The following BDP1 variants were observed in gnomAD, a reference collection of about 807,000 sequenced individuals.
BDP1 encodes the protein BDP1 general transcription factor IIIB subunit.
Under a neutral mutation model 266.6 loss-of-function variants are expected in BDP1, and 169 were observed. The observed-to-expected ratio is 0.63, with a 90% CI of 0.56 to 0.72. The LOEUF (loss-of-function observed/expected upper bound fraction) is 0.72. BDP1 is among the 30% of genes least tolerant of loss of function. The probability of loss-of-function intolerance (pLI) is 0.00; values close to 1 mark genes in which losing one functional copy is unlikely to be tolerated. For synonymous variants in BDP1, 1,090 were observed against 1,022.4 expected (o/e 1.07, Z -1.26); for missense variants, 3,015 against 3,053.8 (o/e 0.99, Z 0.30).
chr5:71,521,204 A>G (rs1386778267), intron 22 of BDP1, among the ~76,000 whole-genome samples: 1 of 150,510 alleles, frequency 6.6e-6, no homozygotes, highest in African/African-American at 2.5e-5. Context: ...AAAAAAAAAG[A>G]TTAGTTTTTA....
In BDP1 at chr5:71,555,666, G is replaced by A. The variant is rs140029506; in HGVS notation, c.7201-1220G>A. ...GTTGGTTAGGCTGGTCTCGAACTCC[G>A]GACCTCAGATGATCCGCCTGCCTCG... On this transcript the variant is annotated intron_variant, in intron 35 of 38. Coordinates refer to ENST00000358731, the MANE Select transcript of BDP1 (RefSeq NM_018429.3). Among the ~76,000 whole-genome samples, 8 of 151,928 alleles carry A rather than the reference G, an allele frequency of 5.3e-5. No homozygotes were observed. The East Asian group carries it at 7.7e-4, about 15-fold the overall frequency.
At position 71,513,539 on chromosome 5, in the gene BDP1, T is replaced by C. The variant is rs921571070; in HGVS notation, c.4470+132T>C. 7 of 650,102 alleles carry C rather than the reference T, an allele frequency of 1.1e-5. No individual in the cohort carries two copies. The Admixed American group carries it at 1.3e-4, about 12-fold the overall frequency. The allele number at this position is 650,102 out of a possible 1,614,324, so 40.3% of individuals were successfully genotyped here. ...TAATTTTTGCTGCATGTGATATTGC[T>C]CCCATGCTTAATGTGCCTCATTGTT... On this transcript the variant is annotated intron_variant, in intron 19 of 38. Coordinates refer to ENST00000358731, the MANE Select transcript of BDP1 (RefSeq NM_018429.3).
chr5:71,498,367 G>A (rs568926906), intron 13 of BDP1, among the ~76,000 whole-genome samples: 1 of 151,992 alleles, frequency 6.6e-6, no homozygotes, highest in African/African-American at 2.4e-5. Context: ...GTGTGCTGGG[G>A]TTATAGGCAT....
intron 16 of BDP1, among the ~76,000 whole-genome samples, 186 bp from the exon 17 acceptor site, chr5:71,509,279 T>C (rs975214684): frequency 6.6e-6 from 1 of 152,122 alleles, no homozygotes; most frequent in Non-Finnish European, 1.5e-5. Flanking sequence ...AACTTATTGC[T>C]GTGATTTCAA....
chr5:71,494,571 T>A (rs1418236681), intron 11 of BDP1: 1 of 152,246 alleles, frequency 6.6e-6, no homozygotes, highest in Non-Finnish European at 1.5e-5. Context: ...TGGAGCTGTA[T>A]CTTTGCTTTA....
At chr5:71,564,296 T>G (rs907654182) in intron 38 of BDP1, among the ~76,000 whole-genome samples, 2 of 149,994 alleles carry the variant, frequency 1.3e-5, no homozygotes, top group Non-Finnish European at 3.0e-5. Flanking sequence ...TTGATATGTT[T>G]TCTTTAGGTG....
chr5:71,562,990 A>T lies in BDP1; in HGVS notation c.7743+470A>T. 4.2e-6 allele frequency: 4 copies of T among 947,960 alleles called. No homozygotes were observed. The South Asian group carries it at 7.0e-5, about 17-fold the overall frequency. 58.7% of individuals were successfully genotyped at this position (947,960 alleles called of 1,614,324 possible). On this transcript the variant is annotated intron_variant, in intron 38 of 38. Coordinates refer to ENST00000358731, the MANE Select transcript of BDP1 (RefSeq NM_018429.3). ...GATCTTGACAAAGAGAAGGCTGGTGAGCATCTGTTGAACAGCATGAGCCTT... is the reference window on the plus strand; with the variant it reads ...GATCTTGACAAAGAGAAGGCTGGTGTGCATCTGTTGAACAGCATGAGCCTT...
intron 16 of BDP1, among the ~76,000 whole-genome samples, chr5:71,509,232 A>G (rs1764754471): frequency 6.6e-6 from 1 of 152,162 alleles, no homozygotes; most frequent in Non-Finnish European, 1.5e-5. Context: ...AATAGCTTCT[A>G]TACTGATTGA....
chr5:71,534,841 A>G (rs1267230269), intron 26 of BDP1, among the ~76,000 whole-genome samples: 2 of 152,108 alleles, frequency 1.3e-5, no homozygotes, highest in African/African-American at 4.8e-5. Flanking sequence ...GGGTTTCTCC[A>G]TGTTGGTCAG....
intron 22 of BDP1, among the ~76,000 whole-genome samples, chr5:71,518,336 T>A (rs902453342): frequency 6.6e-6 from 1 of 152,230 alleles, no homozygotes; most frequent in Admixed American, 6.5e-5. Context: ...TTCTGGGAAA[T>A]GCAGAGGAGA....
At chr5:71,478,165 G>A (rs997409648) in intron 7 of BDP1, among the ~76,000 whole-genome samples, 5 of 152,242 alleles carry the variant, frequency 3.3e-5, no homozygotes, top group East Asian at 1.9e-4. Flanking sequence ...CAGGAGAGTC[G>A]CTTGAACCCG....
At chr5:71,568,737 C>T (rs1276487907), downstream of BDP1, among the ~76,000 whole-genome samples, 1 of 152,210 alleles carries the variant, frequency 6.6e-6, no homozygotes, top group Non-Finnish European at 1.5e-5. Context: ...TGTATGTCTT[C>T]CTAAGACATC....
At chr5:71,534,933 G>T (rs1766497123) in intron 26 of BDP1, among the ~76,000 whole-genome samples, 1 of 152,186 alleles carries the variant, frequency 6.6e-6, no homozygotes, top group Admixed American at 6.5e-5. Context: ...GAGCCACCGT[G>T]CCCGGCCTGG....
At chr5:71,541,353 T>G (rs1345479499) in intron 28 of BDP1, 101 bp from the exon 29 acceptor site, 4 of 564,980 alleles carry the variant, frequency 7.1e-6, no homozygotes, top group Non-Finnish European at 1.2e-5. Flanking sequence ...TGAAGCAAAC[T>G]TTAATAATAC....
chr5:71,551,492 A>G (rs1266996150), intron 34 of BDP1, among the ~76,000 whole-genome samples: 3 of 152,204 alleles, frequency 2.0e-5, no homozygotes, highest in African/African-American at 4.8e-5. Context: ...ACCAAATGAA[A>G]AGTCTCCCAT....
intron 6 of BDP1, among the ~76,000 whole-genome samples, chr5:71,468,607 C>CTTTT (rs11376926): frequency 3.7e-5 from 5 of 134,806 alleles, no homozygotes; most frequent in African/African-American, 8.3e-5. Context: ...ACAATATTTC[C>CTTTT]TTTTTTTTTT....
chr5:71,553,851 A>G (rs1418524187), intron 35 of BDP1, among the ~76,000 whole-genome samples: 4 of 152,092 alleles, frequency 2.6e-5, no homozygotes, highest in African/African-American at 9.7e-5. Context: ...CCATCTTTCA[A>G]TTCCTTAAAT....
At chr5:71,470,548 T>TAATACA in intron 7 of BDP1, 59 bp downstream of exon 7, 2 of 1,119,742 alleles carry the variant, frequency 1.8e-6, no homozygotes, top group East Asian at 4.8e-5. Flanking sequence ...CAAATGTTAG[T>TAATACA]AGTATTATTC....
chr5:71,547,011 A>G (rs1378471463), intron 32 of BDP1, among the ~76,000 whole-genome samples: 2 of 151,846 alleles, frequency 1.3e-5, no homozygotes, highest in Non-Finnish European at 2.9e-5. Context: ...ACACCTGACT[A>G]ATTTTTTCGT....
Sources: gnomAD v4.1 joint callset for allele counts (sites outside exome capture counted in the v4.1 genomes callset) on GRCh38, gnomAD v4.1.1 for gene constraint, MANE v1.5 for transcripts, NCBI Gene and HGNC (gene_info 2026-07-23, HGNC 2026-07-21) for gene names.